Variants in CSMD1 observed in about 807,000 individuals in gnomAD.
CSMD1 encodes CUB and Sushi multiple domains 1, also known as CUB and sushi domain-containing protein 1.
In CSMD1, 213 loss-of-function variants were observed where a neutral mutation model predicts 417.5. The observed-to-expected ratio is 0.51, with a 90% confidence interval of 0.46 to 0.57. The LOEUF (loss-of-function observed/expected upper bound fraction) is 0.57. Among genes scored for constraint, CSMD1 ranks in the 20% least tolerant of loss-of-function variants. CSMD1 has a pLI of 0.00. For missense variants in CSMD1, 6,923 were observed against 4,529.7 expected (o/e 1.53, Z -15.17); for synonymous variants, 2,862 against 1,736.8 (o/e 1.65, Z -16.11).
At position 4,745,899 on chromosome 8, in the gene CSMD1, C is replaced by G. The variant is rs568725711; in HGVS notation, c.86-108341G>C. On this transcript the variant is annotated intron_variant, in intron 1 of 69. Coordinates refer to ENST00000635120, the MANE Select transcript of CSMD1 (RefSeq NM_033225.6). ...GAGCTTGATCCAGGCTCAGCCACTT[C>G]CGTGCAATCAAGTCAGCTAACTTTT... is the stretch of plus-strand genomic sequence containing the variant. Among the ~76,000 whole-genome samples the G allele has an allele frequency of 3.9e-5, 6 of 152,318 alleles. No individual in the cohort carries two copies. The East Asian group carries it at 1.2e-3, about 29-fold the overall frequency.
chr8:4,042,463 A>C (rs911897393), intron 3 of CSMD1, among the ~76,000 whole-genome samples: 25 of 152,118 alleles, frequency 1.6e-4, no homozygotes, highest in African/African-American at 5.8e-4. Context: ...AATATTTTGC[A>C]ATATCACAGG....
chr8:4,023,089 G>C (rs1431899204), intron 4 of CSMD1, among the ~76,000 whole-genome samples: 2 of 152,098 alleles, frequency 1.3e-5, no homozygotes, highest in African/African-American at 2.4e-5. Flanking sequence ...CCTCATGGTT[G>C]AGCTTCAGCT....
chr8:3,220,744 T>C (rs1395551723), intron 28 of CSMD1, among the ~76,000 whole-genome samples: 1 of 152,100 alleles, frequency 6.6e-6, no homozygotes, highest in African/African-American at 2.4e-5. Flanking sequence ...GGCAGAAGAA[T>C]CGCTTGAACC....
At chr8:4,166,911 GA>G (rs934304678) in intron 3 of CSMD1, among the ~76,000 whole-genome samples, 2 of 152,146 alleles carry the variant, frequency 1.3e-5, no homozygotes, top group Non-Finnish European at 2.9e-5. Context: ...GCCTCATTTT[GA>G]ATGCTCAGCA....
chr8:4,460,625 G>A (rs531338289), intron 2 of CSMD1, among the ~76,000 whole-genome samples: 1 of 152,076 alleles, frequency 6.6e-6, no homozygotes, highest in African/African-American at 2.4e-5. Flanking sequence ...AAAAGGTAGA[G>A]AATATTACTA....
At position 4,212,883 on chromosome 8, in the gene CSMD1, C is replaced by G. The variant is rs1250575389; in HGVS notation, c.416-180784G>C. 2.0e-5 allele frequency among the ~76,000 whole-genome samples: 3 copies of G among 150,332 alleles called. No homozygotes were observed. The Admixed American group carries it at 2.0e-4, about 10-fold the overall frequency. On this transcript the variant is annotated intron_variant, in intron 3 of 69. Coordinates refer to ENST00000635120, the MANE Select transcript of CSMD1 (RefSeq NM_033225.6). ...CCATCCTACAGGAAGATGAGGACAA[C>G]AGTTTAGAGGCTGAGCTGGAAAGAA... is the stretch of plus-strand genomic sequence containing the variant.
intron 3 of CSMD1, among the ~76,000 whole-genome samples, chr8:4,354,608 G>C (rs62479470): frequency 1.3e-3 from 202 of 152,028 alleles, no homozygotes; most frequent in Non-Finnish European, 2.2e-3. Flanking sequence ...CCTTCTCCTT[G>C]AACGTATAAG....
chr8:4,918,636 A>G (rs1806229065), intron 1 of CSMD1, among the ~76,000 whole-genome samples: 1 of 152,238 alleles, frequency 6.6e-6, no homozygotes, highest in Non-Finnish European at 1.5e-5. Context: ...CTTCAGATTG[A>G]TAAATCTTTT....
chr8:3,868,942 G>A (rs75137130), intron 5 of CSMD1, among the ~76,000 whole-genome samples: 12,177 of 152,202 alleles, frequency 0.08, 537 homozygotes, highest in South Asian at 0.15. Flanking sequence ...GAGCCAAAGA[G>A]ACTCCATTAC....
At chr8:3,097,696 T>A (rs115543187) in intron 46 of CSMD1, among the ~76,000 whole-genome samples, 51 of 152,328 alleles carry the variant, frequency 3.3e-4, no homozygotes, top group Middle Eastern at 3.4e-3. Flanking sequence ...ATTTTTCATT[T>A]AATATTTTCA....
At chr8:4,158,907 A>G (rs1196723234) in intron 3 of CSMD1, among the ~76,000 whole-genome samples, 2 of 152,148 alleles carry the variant, frequency 1.3e-5, no homozygotes, top group African/African-American at 2.4e-5. Flanking sequence ...AAGAAAGATT[A>G]TCTTTCTATA....
intron 25 of CSMD1, among the ~76,000 whole-genome samples, chr8:3,304,478 G>C (rs1447915126): frequency 1.3e-5 from 2 of 152,132 alleles, no homozygotes; most frequent in Non-Finnish European, 2.9e-5. Context: ...TATTCATGAA[G>C]AGTGGTTCAA....
chr8:3,219,705 T>A (rs1409827875), intron 28 of CSMD1, among the ~76,000 whole-genome samples: 1 of 152,092 alleles, frequency 6.6e-6, no homozygotes, highest in Non-Finnish European at 1.5e-5. Context: ...CAAAAGGAAA[T>A]AAGTCATAAT....
chr8:4,018,955 C>G (rs934429035), intron 4 of CSMD1, among the ~76,000 whole-genome samples: 2 of 152,300 alleles, frequency 1.3e-5, no homozygotes, highest in Non-Finnish European at 2.9e-5. Context: ...TAAACATTGT[C>G]TGACATTTTG....
intron 1 of CSMD1, among the ~76,000 whole-genome samples, chr8:4,977,426 G>T (rs1810624847): frequency 6.6e-6 from 1 of 152,154 alleles, no homozygotes; most frequent in South Asian, 2.1e-4. Context: ...TGTTGTGTGT[G>T]AGGGGTGGGT....
intron 3 of CSMD1, among the ~76,000 whole-genome samples, chr8:4,244,330 T>G (rs1005965241): frequency 6.6e-6 from 1 of 152,144 alleles, no homozygotes; most frequent in African/African-American, 2.4e-5. Flanking sequence ...AAACTTTGCC[T>G]GGAGCTCCAA....
intron 1 of CSMD1, among the ~76,000 whole-genome samples, chr8:4,937,593 T>TC (rs1195770641): frequency 1.3e-5 from 2 of 152,168 alleles, no homozygotes; most frequent in Non-Finnish European, 2.9e-5. Flanking sequence ...ATAGGAAAAG[T>TC]CCCCTAAATA....
intron 5 of CSMD1, among the ~76,000 whole-genome samples, chr8:3,992,862 T>A (rs1432988813): frequency 1.3e-5 from 2 of 152,258 alleles, no homozygotes; most frequent in African/African-American, 4.8e-5. Context: ...CTGCGTGGTC[T>A]CCTCCATATT....
In CSMD1 at chr8:4,279,249, A is replaced by C. The variant is rs114746232; in HGVS notation, c.415+140704T>G. ...AAGCAGTCGATGGCACAAGTGTGCAAGCCACATTTTGAAACACTTATATTT... is the reference window on the plus strand; with the variant it reads ...AAGCAGTCGATGGCACAAGTGTGCACGCCACATTTTGAAACACTTATATTT... On this transcript the variant is annotated intron_variant, in intron 3 of 69. Transcript: ENST00000635120. 3.1e-3 allele frequency among the ~76,000 whole-genome samples: 476 copies of C among 152,326 alleles called. 1 individual carries two copies. The highest frequency in any genetic ancestry group is 0.011 in the African/African-American group (442 of 41,580).
Sources: gnomAD v4.1 joint callset for allele counts (sites outside exome capture counted in the v4.1 genomes callset) on GRCh38, gnomAD v4.1.1 for gene constraint, MANE v1.5 for transcripts, NCBI Gene and HGNC (gene_info 2026-07-23, HGNC 2026-07-21) for gene names.